Variants in KIF15 observed in about 807,000 individuals in gnomAD.
The protein encoded by KIF15 is kinesin family member 15.
KIF15 carries 140 observed loss-of-function variants against 190.6 expected under a neutral mutation model. That is an observed-to-expected ratio of 0.73 (90% CI 0.64 to 0.84). The LOEUF is 0.84. Ranked by LOEUF, KIF15 falls within the 40% of genes least tolerant of loss-of-function variation. KIF15 has a pLI of 0.00. For synonymous variants in KIF15, 528 were observed against 551.3 expected, an observed-to-expected ratio of 0.96 and a Z score of 0.59; for missense variants, 1,372 against 1,584.4, an observed-to-expected ratio of 0.87 and a Z score of 2.28.
chr3:44,840,655 A>ATTTT (rs60621752), intron 28 of KIF15, among the ~76,000 whole-genome samples, 199 bp downstream of exon 28: 5 of 67,074 alleles, frequency 7.5e-5, no homozygotes, highest in Non-Finnish European at 1.1e-4. Context: ...TAAGCAGCGG[A>ATTTT]TTTTTTTTTT....
At chr3:44,777,526 T>C (rs1705949722) in intron 3 of KIF15, among the ~76,000 whole-genome samples, 1 of 152,070 alleles carries the variant, frequency 6.6e-6, no homozygotes, top group African/African-American at 2.4e-5. Context: ...ACCCCGTTTC[T>C]ACTAAAAATA....
intron 6 of KIF15, among the ~76,000 whole-genome samples, chr3:44,861,664 C>G (rs771948334): frequency 6.6e-6 from 1 of 152,252 alleles, no homozygotes; most frequent in Non-Finnish European, 1.5e-5. Flanking sequence ...ACAGCGTCCA[C>G]AGTACCCGGC....
intron 6 of KIF15, chr3:44,864,956 C>A: frequency 6.4e-7 from 1 of 1,566,654 alleles, no homozygotes; most frequent in South Asian, 1.1e-5. Flanking sequence ...CTCCTGGCAC[C>A]CTTAGAAGGA....
At position 44,805,951 on chromosome 3, in the gene KIF15, T is replaced by C. The variant is rs1707477228; in HGVS notation, c.1936T>C (p.Ser646Pro). The change falls in exon 16 of 35, where the codon TCT becomes CCT. Residue 646 changes from serine to proline, a missense_variant. Physicochemically the swap from Ser to Pro is moderately conservative, Grantham distance 74. Coordinates refer to ENST00000326047, the MANE Select transcript of KIF15 (RefSeq NM_020242.3). ...ATKACKRQEV[S>P]QLNKIHAETL... ...AAAAGCCTGCAAGCGGCAAGAAGTT[T>C]CTCAGCTGAATAAAATTCATGCTGA... 3 of 1,614,116 alleles carry C rather than the reference T, an allele frequency of 1.9e-6. No individual in the cohort carries two copies. Among genetic ancestry groups the C allele is most frequent in the East Asian group, 4.5e-5 (2 of 44,878 alleles).
At chr3:44,868,046 C>T (rs771676422) in intron 6 of KIF15, among the ~76,000 whole-genome samples, 19 of 152,116 alleles carry the variant, frequency 1.2e-4, no homozygotes, top group Non-Finnish European at 1.6e-4. Context: ...CGACCATTAC[C>T]GCTAGCTAAT....
chr3:44,846,397 T>C (rs1698847809), intron 30 of KIF15, among the ~76,000 whole-genome samples: 1 of 152,190 alleles, frequency 6.6e-6, no homozygotes, highest in African/African-American at 2.4e-5. Context: ...AGAGTTTTAA[T>C]GTGTTTTTTT....
Position 44,852,652 on chromosome 3 carries a change from TG to T in KIF15, c.4105-20del. ...ATTAGAGCCTTATTTTTTTTCTTTT[TG>T]TTTTTTTAAAATTACTTAGGAGACA... is the stretch of plus-strand genomic sequence containing the variant. On this transcript the variant is annotated intron_variant, in intron 34 of 34. Coordinates refer to ENST00000326047, the MANE Select transcript of KIF15 (RefSeq NM_020242.3). 1.3e-6 allele frequency: 2 copies of T among 1,549,128 alleles called. No individual in the cohort carries two copies. Among genetic ancestry groups the T allele is most frequent in the Non-Finnish European group, 1.7e-6 (2 of 1,147,684 alleles).
At chr3:44,774,315 C>G in intron 1 of KIF15, 80 bp from the exon 2 acceptor site, 2 of 1,266,882 alleles carry the variant, frequency 1.6e-6, no homozygotes, top group Non-Finnish European at 2.3e-6. Context: ...ATGTAGCAGG[C>G]AACCCAGGAA....
At chr3:44,796,792 C>T (rs1052138900) in intron 8 of KIF15, among the ~76,000 whole-genome samples, 2 of 152,138 alleles carry the variant, frequency 1.3e-5, no homozygotes, top group African/African-American at 4.8e-5. Flanking sequence ...CAGAATTAAA[C>T]TGAATATTCT....
At chr3:44,767,614 G>A (rs371702947) in intron 1 of KIF15, among the ~76,000 whole-genome samples, 87 of 149,268 alleles carry the variant, frequency 5.8e-4, no homozygotes, top group African/African-American at 2.0e-3. Flanking sequence ...TGTGGAGCTC[G>A]GCTGGGCGTG....
intron 10 of KIF15, chr3:44,799,281 C>G: frequency 2.2e-6 from 1 of 456,738 alleles, no homozygotes; most frequent in Non-Finnish European, 4.4e-6. Flanking sequence ...TTCTACTAGT[C>G]ACTCTCAATG....
At chr3:44,788,220 T>C (rs964989965) in intron 7 of KIF15, among the ~76,000 whole-genome samples, 10 of 152,232 alleles carry the variant, frequency 6.6e-5, no homozygotes, top group African/African-American at 2.2e-4. Context: ...TTTTATAAGA[T>C]GCTTTTATAA....
intron 33 of KIF15, 94 bp from the exon 34 acceptor site, chr3:44,852,114 T>A: frequency 6.7e-7 from 1 of 1,487,688 alleles, no homozygotes; most frequent in Non-Finnish European, 9.1e-7. Context: ...ACTCTCTGAC[T>A]TCCTGTGCTC....
At chr3:44,858,669 G>T (rs778023778) in intron 6 of KIF15, among the ~76,000 whole-genome samples, 2 of 152,230 alleles carry the variant, frequency 1.3e-5, no homozygotes, top group Non-Finnish European at 2.9e-5. Context: ...AACTGGGCAA[G>T]TGGGGATAAC....
At chr3:44,791,020 A>G (rs551844625) in intron 7 of KIF15, among the ~76,000 whole-genome samples, 1 of 152,292 alleles carries the variant, frequency 6.6e-6, no homozygotes, top group Admixed American at 6.5e-5. Context: ...ATTGTAAACC[A>G]CATAGCTATA....
intron 1 of KIF15, among the ~76,000 whole-genome samples, chr3:44,765,060 G>A (rs1356221306): frequency 6.6e-6 from 1 of 152,218 alleles, no homozygotes; most frequent in Non-Finnish European, 1.5e-5. Flanking sequence ...GATTTAGCAT[G>A]CCTTCGTTCA....
chr3:44,856,686 C>T (rs1023252077), downstream of KIF15, among the ~76,000 whole-genome samples: 5 of 152,072 alleles, frequency 3.3e-5, no homozygotes, highest in East Asian at 3.8e-4. Flanking sequence ...TTGCCCTGAG[C>T]GATAGGATCT....
intron 16 of KIF15, among the ~76,000 whole-genome samples, chr3:44,806,900 C>T (rs1159830342): frequency 1.3e-5 from 2 of 151,140 alleles, no homozygotes; most frequent in Non-Finnish European, 3.0e-5. Context: ...CGCCTGCCAC[C>T]ATGCCCGGAT....
intron 6 of KIF15, among the ~76,000 whole-genome samples, chr3:44,866,693 G>T (rs1699326027): frequency 6.6e-6 from 1 of 152,208 alleles, no homozygotes; most frequent in Non-Finnish European, 1.5e-5. Context: ...ACAATTGACA[G>T]AATGAGCTTA....
Sources: allele counts gnomAD v4.1 joint callset (sites outside exome capture counted in the v4.1 genomes callset), GRCh38; gene constraint gnomAD v4.1.1; transcripts MANE v1.5; gene names NCBI Gene and HGNC (gene_info 2026-07-23, HGNC 2026-07-21).